The following GAP43 variants were observed in gnomAD, a reference collection of about 807,000 sequenced individuals.
GAP43 encodes the protein neuromodulin.
In GAP43, 6 loss-of-function variants were observed where a neutral mutation model predicts 18.6. The ratio of observed to expected loss-of-function variants is 0.32; its 90% CI spans 0.18 to 0.64. GAP43 has a LOEUF of 0.64. Ranked by LOEUF, GAP43 falls within the 30% of genes least tolerant of loss-of-function variation. The probability of loss-of-function intolerance (pLI) is 0.78; values close to 1 mark genes in which losing one functional copy is unlikely to be tolerated. For missense variants in GAP43, 292 were observed against 295.5 expected, an observed-to-expected ratio of 0.99 and a Z score of 0.09; for synonymous variants, 115 against 111.4, an observed-to-expected ratio of 1.03 and a Z score of -0.20.
chr3:115,706,459 A>T (rs1294018524), intron 2 of GAP43, among the ~76,000 whole-genome samples: 1 of 152,182 alleles, frequency 6.6e-6, no homozygotes, highest in African/African-American at 2.4e-5. Context: ...TTTTTCTACA[A>T]ATGAAGCTAG....
intron 2 of GAP43, among the ~76,000 whole-genome samples, chr3:115,686,234 T>C (rs1709030832): frequency 6.6e-6 from 1 of 152,220 alleles, no homozygotes; most frequent in South Asian, 2.1e-4. Context: ...AGAATAGTAA[T>C]TATCAACTTC....
chr3:115,690,619 A>G (rs746681833), intron 2 of GAP43, among the ~76,000 whole-genome samples: 2 of 152,096 alleles, frequency 1.3e-5, no homozygotes, highest in Non-Finnish European at 2.9e-5. Flanking sequence ...AGAACCAGGT[A>G]TAGAGTAGGT....
At chr3:115,634,379 C>G (rs1439846961) in intron 1 of GAP43, among the ~76,000 whole-genome samples, 1 of 152,038 alleles carries the variant, frequency 6.6e-6, no homozygotes, top group Non-Finnish European at 1.5e-5. Context: ...CTCTTAATGG[C>G]CAAACTAGTT....
chr3:115,710,682 A>G (rs1003320631), intron 2 of GAP43, among the ~76,000 whole-genome samples: 20 of 152,192 alleles, frequency 1.3e-4, no homozygotes, highest in African/African-American at 4.8e-4. Flanking sequence ...GTCCATGGTT[A>G]GAGTTCATAG....
intron 1 of GAP43, among the ~76,000 whole-genome samples, chr3:115,661,843 T>TTTTTTTTTTTTTTTTTC (rs1708664475): frequency 6.7e-6 from 1 of 149,818 alleles, no homozygotes. Flanking sequence ...TTTTTTTTTT[T>TTTTTTTTTTTTTTTTTC]TTACCTGGGA....
chr3:115,704,581 G>C (rs1709337764), intron 2 of GAP43, among the ~76,000 whole-genome samples: 1 of 151,970 alleles, frequency 6.6e-6, no homozygotes, highest in Non-Finnish European at 1.5e-5. Flanking sequence ...CTTTTGGTAG[G>C]CCTTAAAGCA....
At chr3:115,689,974 A>G (rs1709084645) in intron 2 of GAP43, among the ~76,000 whole-genome samples, 1 of 152,220 alleles carries the variant, frequency 6.6e-6, no homozygotes, top group Non-Finnish European at 1.5e-5. Flanking sequence ...GCACTGACTG[A>G]GCTGAGTACC....
chr3:115,670,963 A>T (rs1224453397), intron 1 of GAP43, among the ~76,000 whole-genome samples: 1 of 152,244 alleles, frequency 6.6e-6, no homozygotes, highest in East Asian at 1.9e-4. Context: ...TGCATTTAAA[A>T]TTCAATACTA....
intron 2 of GAP43, among the ~76,000 whole-genome samples, chr3:115,712,622 G>A (rs1405644079): frequency 6.6e-6 from 1 of 152,124 alleles, no homozygotes; most frequent in Non-Finnish European, 1.5e-5. Context: ...AACAACCCAC[G>A]ATAAGGTAGG....
At chr3:115,665,989 A>AGTTTGT (rs1273344906) in intron 1 of GAP43, among the ~76,000 whole-genome samples, 1,635 of 61,694 alleles carry the variant, frequency 0.027, 41 homozygotes, top group Admixed American at 0.1. Flanking sequence ...TGGCTAAATG[A>AGTTTGT]GTGTGTGTGT....
intron 1 of GAP43, among the ~76,000 whole-genome samples, chr3:115,674,457 T>C (rs760217277): frequency 2.0e-5 from 3 of 152,174 alleles, no homozygotes; most frequent in Non-Finnish European, 2.9e-5. Flanking sequence ...ATGTGGAAAA[T>C]AGTCATTTGC....
At chr3:115,684,287 C>T (rs905463076) in intron 2 of GAP43, among the ~76,000 whole-genome samples, 1 of 151,966 alleles carries the variant, frequency 6.6e-6, no homozygotes, top group Non-Finnish European at 1.5e-5. Context: ...AAACCAGAAG[C>T]CATTTACTTA....
At chr3:115,694,483 C>T (rs757557440) in intron 2 of GAP43, among the ~76,000 whole-genome samples, 4 of 152,122 alleles carry the variant, frequency 2.6e-5, no homozygotes, top group Non-Finnish European at 5.9e-5. Context: ...ACAATAATAC[C>T]GATGATGATC....
At chr3:115,652,254 C>T (rs576993987) in intron 1 of GAP43, among the ~76,000 whole-genome samples, 282 of 147,258 alleles carry the variant, frequency 1.9e-3, no homozygotes, top group Non-Finnish European at 3.2e-3. Flanking sequence ...TTAATTCTTT[C>T]ATTTGTTGTT....
intron 2 of GAP43, among the ~76,000 whole-genome samples, chr3:115,677,447 T>C (rs1409093551): frequency 6.6e-6 from 1 of 152,196 alleles, no homozygotes; most frequent in Non-Finnish European, 1.5e-5. Context: ...TCACTATTAC[T>C]GCTCAATTGT....
At chr3:115,690,938 G>A (rs1490674415) in intron 2 of GAP43, among the ~76,000 whole-genome samples, 1 of 151,776 alleles carries the variant, frequency 6.6e-6, no homozygotes, top group Non-Finnish European at 1.5e-5. Flanking sequence ...TGTATTTTTA[G>A]TAGAGATGGG....
intron 2 of GAP43, among the ~76,000 whole-genome samples, chr3:115,705,886 G>A (rs889328815): frequency 5.3e-5 from 8 of 152,092 alleles, no homozygotes; most frequent in African/African-American, 1.7e-4. Context: ...AAAATCCTTC[G>A]TGGAGGGTGG....
chr3:115,689,046 G>A (rs1033509419), intron 2 of GAP43, among the ~76,000 whole-genome samples: 16 of 152,154 alleles, frequency 1.1e-4, no homozygotes, highest in African/African-American at 3.6e-4. Context: ...TCCTGTCCCA[G>A]GGCCTTTACA....
In GAP43 at chr3:115,641,510, TCACA is replaced by T. The variant is rs376412583; in HGVS notation, c.30+17821_30+17824del. On this transcript the variant is annotated intron_variant, in intron 1 of 2. Transcript: ENST00000305124. ...GTGCATATATTATACATATATATAT[TCACA>T]CACACACACACACACACACACACAC... Among the ~76,000 whole-genome samples the T allele has an allele frequency of 6.4e-4, 69 of 107,050 alleles. 1 individual carries two copies. The highest frequency in any genetic ancestry group is 1.6e-3 in the East Asian group (7 of 4,274). 70.2% of individuals were successfully genotyped at this position (107,050 alleles called of 152,430 possible).
Sources: gnomAD v4.1 joint callset for allele counts (sites outside exome capture counted in the v4.1 genomes callset) on GRCh38, gnomAD v4.1.1 for gene constraint, MANE v1.5 for transcripts, NCBI Gene and HGNC (gene_info 2026-07-23, HGNC 2026-07-21) for gene names.